Variants in LGSN observed in about 807,000 individuals in gnomAD.
The protein encoded by LGSN is lengsin.
In LGSN, 21 loss-of-function variants were observed where a neutral mutation model predicts 19.5. The observed-to-expected ratio is 1.07, with a 90% CI of 0.76 to 1.55. The LOEUF (loss-of-function observed/expected upper bound fraction) is 1.55. LGSN is among the 40% of genes most tolerant of loss of function. The pLI, the probability that LGSN is intolerant of heterozygous loss-of-function variation, is 0.00. For synonymous variants in LGSN, 257 were observed against 215.6 expected, an observed-to-expected ratio of 1.19 and a Z score of -1.68; for missense variants, 673 against 608.5, an observed-to-expected ratio of 1.11 and a Z score of -1.12.
intron 1 of LGSN, among the ~76,000 whole-genome samples, chr6:63,303,129 T>G (rs1436066277): frequency 6.6e-6 from 1 of 152,174 alleles, no homozygotes; most frequent in African/African-American, 2.4e-5. Flanking sequence ...ATGACTATTC[T>G]AAGTTGCCAA....
chr6:63,564,955 C>T, the LGSN span, among the ~76,000 whole-genome samples: 1 of 152,176 alleles, frequency 6.6e-6, no homozygotes, highest in African/African-American at 2.4e-5. Context: ...GAAATGGTGC[C>T]TTTCAGCATG....
the LGSN span, among the ~76,000 whole-genome samples, chr6:63,390,620 G>A: frequency 1.3e-5 from 2 of 151,430 alleles, no homozygotes; most frequent in African/African-American, 4.8e-5. Context: ...ACTTTGGGAG[G>A]CCGAGGCGGG....
chr6:63,539,984 A>T, the LGSN span, among the ~76,000 whole-genome samples: 1 of 152,202 alleles, frequency 6.6e-6, no homozygotes, highest in Non-Finnish European at 1.5e-5. Context: ...TGGGAGTAAT[A>T]GGAATGTTCA....
chr6:63,462,587 A>T, the LGSN span, among the ~76,000 whole-genome samples: 1 of 152,226 alleles, frequency 6.6e-6, no homozygotes, highest in African/African-American at 2.4e-5. Context: ...GTGAGCTGAG[A>T]TCGCACCACT....
chr6:63,394,214 A>G, the LGSN span, among the ~76,000 whole-genome samples: 1 of 152,186 alleles, frequency 6.6e-6, no homozygotes, highest in African/African-American at 2.4e-5. Flanking sequence ...CAGTGAGCCG[A>G]GATCACGCCA....
chr6:63,353,830 G>A, the LGSN span, among the ~76,000 whole-genome samples: 1 of 151,980 alleles, frequency 6.6e-6, no homozygotes, highest in Non-Finnish European at 1.5e-5. Flanking sequence ...AGAGAACCTG[G>A]AAATAAGTCT....
At chr6:63,515,262 C>T in the LGSN span, among the ~76,000 whole-genome samples, 2 of 152,040 alleles carry the variant, frequency 1.3e-5, no homozygotes, top group Admixed American at 1.3e-4. Flanking sequence ...GACAGAATTT[C>T]GCTTTGTCAC....
At chr6:63,570,933 G>A in the LGSN span, 1 of 152,046 alleles carries the variant, frequency 6.6e-6, no homozygotes, top group Non-Finnish European at 1.5e-5. Flanking sequence ...TCCCCAGCCT[G>A]CTTAGCTTTG....
At chr6:63,526,534 G>A in the LGSN span, among the ~76,000 whole-genome samples, 2 of 151,812 alleles carry the variant, frequency 1.3e-5, no homozygotes, top group African/African-American at 4.8e-5. Context: ...TTTAGGCCAG[G>A]CGCAGTGGCT....
At chr6:63,389,561 A>G in the LGSN span, among the ~76,000 whole-genome samples, 2 of 152,234 alleles carry the variant, frequency 1.3e-5, no homozygotes, top group Non-Finnish European at 2.9e-5. Context: ...GTTTAACCTT[A>G]AGGAAAGCAT....
At chr6:63,285,463 T>C (rs899934749) in intron 3 of LGSN, 124 bp downstream of exon 3, 2 of 768,984 alleles carry the variant, frequency 2.6e-6, no homozygotes, top group African/African-American at 3.5e-5. Context: ...AGAAACAAAA[T>C]AAGTTATTGA....
the LGSN span, among the ~76,000 whole-genome samples, chr6:63,342,870 T>A: frequency 6.6e-6 from 1 of 152,218 alleles, no homozygotes; most frequent in Non-Finnish European, 1.5e-5. Context: ...TCACCAATCA[T>A]GTTTCCTGCA....
At chr6:63,289,968 T>C (rs1383385946) in intron 2 of LGSN, among the ~76,000 whole-genome samples, 1 of 151,886 alleles carries the variant, frequency 6.6e-6, no homozygotes, top group Non-Finnish European at 1.5e-5. Flanking sequence ...GCAGACATTG[T>C]TGGAAAGCCC....
the LGSN span, among the ~76,000 whole-genome samples, chr6:63,465,890 T>C: frequency 6.6e-6 from 1 of 152,114 alleles, no homozygotes; most frequent in African/African-American, 2.4e-5. Flanking sequence ...CTGGCCAGTG[T>C]GGCTGGAAAC....
At chr6:63,468,530 C>T in the LGSN span, among the ~76,000 whole-genome samples, 3 of 151,866 alleles carry the variant, frequency 2.0e-5, no homozygotes, top group African/African-American at 4.8e-5. Context: ...TGGGTACAAG[C>T]GATTCTGTTG....
At chr6:63,470,933 CTTTTTTTTTT>C in the LGSN span, among the ~76,000 whole-genome samples, 8 of 73,066 alleles carry the variant, frequency 1.1e-4, 1 homozygote, top group South Asian at 1.9e-3. Flanking sequence ...TTCAGTCTTT[CTTTTTTTTTT>C]TTTTTTTTTT....
At chr6:63,362,835 T>C in the LGSN span, among the ~76,000 whole-genome samples, 2 of 152,138 alleles carry the variant, frequency 1.3e-5, no homozygotes, top group African/African-American at 4.8e-5. Flanking sequence ...GTCTGACAGG[T>C]CTGAAGAGAG....
chr6:63,419,880 C>CAAAAAAA, the LGSN span, among the ~76,000 whole-genome samples: 2 of 57,342 alleles, frequency 3.5e-5, 1 homozygote, highest in Non-Finnish European at 5.9e-5. Context: ...AACTCCCTCC[C>CAAAAAAA]AAAAAAAAAA....
At chr6:63,404,820 T>A in the LGSN span, among the ~76,000 whole-genome samples, 1 of 152,238 alleles carries the variant, frequency 6.6e-6, no homozygotes, top group Non-Finnish European at 1.5e-5. Flanking sequence ...TTATTATTAT[T>A]ATACTTTAAG....
Sources: gnomAD v4.1 joint callset for allele counts (sites outside exome capture counted in the v4.1 genomes callset) on GRCh38, gnomAD v4.1.1 for gene constraint, MANE v1.5 for transcripts, NCBI Gene and HGNC (gene_info 2026-07-23, HGNC 2026-07-21) for gene names.